The following RAI14 variants were observed in gnomAD, a reference collection of about 807,000 sequenced individuals.
RAI14 encodes ankycorbin.
In RAI14, 45 loss-of-function variants were observed where a neutral mutation model predicts 115.4. The ratio of observed to expected loss-of-function variants is 0.39; its 90% CI spans 0.31 to 0.50. RAI14 has a LOEUF of 0.50. Among genes scored for constraint, RAI14 ranks in the 20% least tolerant of loss-of-function variants. The probability of loss-of-function intolerance (pLI) is 0.85; values close to 1 mark genes in which losing one functional copy is unlikely to be tolerated. For synonymous variants in RAI14, 371 were observed against 415.4 expected (o/e 0.89, Z 1.30); for missense variants, 939 against 1,131.2 (o/e 0.83, Z 2.44).
chr5:34,823,966 A>G lies in RAI14; in HGVS notation c.2124A>G (p.Lys708=). 1 of 1,614,176 alleles carries G rather than the reference A, an allele frequency of 6.2e-7. No homozygotes were observed. The highest frequency in any genetic ancestry group is 8.5e-7 in the Non-Finnish European group (1 of 1,179,988). The part of the protein sequence containing the change: ...ALSEMKSQYS[K]VLNELTQLKQ... ...CTGAAATGAAGTCTCAGTATTCAAAAGTGTTGAATGAGTTGACCCAGCTCA... is the reference window on the plus strand; with the variant it reads ...CTGAAATGAAGTCTCAGTATTCAAAGGTGTTGAATGAGTTGACCCAGCTCA... Residue 708 remains lysine (K), a synonymous_variant, in exon 15 of 18, where the codon AAA becomes AAG. Coordinates refer to ENST00000265109, the MANE Select transcript of RAI14 (RefSeq NM_015577.3). The surrounding 1 kb of genome is among the most constrained non-coding windows in gnomAD (Gnocchi z 4.5).
chr5:34,693,322 A>G (rs569744566), intron 2 of RAI14, among the ~76,000 whole-genome samples: 1 of 152,338 alleles, frequency 6.6e-6, no homozygotes, highest in African/African-American at 2.4e-5. Flanking sequence ...TGGCACTGTC[A>G]TAGACCTTAG....
chr5:34,714,895 T>A (rs1385232368), intron 2 of RAI14, among the ~76,000 whole-genome samples: 6 of 152,104 alleles, frequency 3.9e-5, no homozygotes, highest in Non-Finnish European at 8.8e-5. Flanking sequence ...GAAGGGAACC[T>A]CACTTGCAGT....
intron 1 of RAI14, among the ~76,000 whole-genome samples, chr5:34,675,282 T>C (rs1360051835): frequency 6.6e-6 from 1 of 152,238 alleles, no homozygotes; most frequent in African/African-American, 2.4e-5. Context: ...TCAACAACTT[T>C]TAGTAAATTA....
intron 12 of RAI14, among the ~76,000 whole-genome samples, chr5:34,816,664 G>T (rs6451172): frequency 0.1 from 15,458 of 150,798 alleles, 1,346 homozygotes; most frequent in African/African-American, 0.24. Context: ...TATTAAAGAT[G>T]TTTTTTTTTA....
intron 2 of RAI14, among the ~76,000 whole-genome samples, chr5:34,739,104 T>C (rs1745191564): frequency 6.6e-6 from 1 of 152,204 alleles, no homozygotes; most frequent in Admixed American, 6.5e-5. Flanking sequence ...CTATTCAAAA[T>C]AACGGAGTGG....
intron 1 of RAI14, chr5:34,686,320 C>T (rs1744863679): frequency 6.8e-6 from 1 of 147,666 alleles, no homozygotes; most frequent in Admixed American, 6.9e-5. Context: ...ATGGAAGTTA[C>T]CAGGAGCAGG....
chr5:34,732,522 T>C lies in RAI14; in HGVS notation c.37-24946T>C, dbSNP rs140480611. Among the ~76,000 whole-genome samples the C allele has an allele frequency of 7.4e-5, 11 of 149,506 alleles. No homozygotes were observed. The East Asian group carries it at 2.2e-3, about 30-fold the overall frequency. On this transcript the variant is annotated intron_variant, in intron 2 of 17. Coordinates refer to ENST00000265109, the MANE Select transcript of RAI14 (RefSeq NM_015577.3). ...GGCGTGATCTTGGCTCACTGCACCC[T>C]CTGCCTCCCGGGTTCAAGCAATCCT... is the stretch of plus-strand genomic sequence containing the variant.
chr5:34,672,222 C>A (rs1016243674), intron 1 of RAI14, among the ~76,000 whole-genome samples: 6 of 152,096 alleles, frequency 3.9e-5, no homozygotes, highest in Non-Finnish European at 7.3e-5. Context: ...TTCTGTATCA[C>A]CTGTATACTT....
intron 4 of RAI14, among the ~76,000 whole-genome samples, chr5:34,799,781 G>A (rs917385910): frequency 3.4e-5 from 5 of 145,698 alleles, no homozygotes; most frequent in Non-Finnish European, 3.0e-5. Context: ...TCCGCCTCCC[G>A]GGTTCACGCC....
In RAI14 at chr5:34,807,673, A is replaced by C. The variant is rs563701059; in HGVS notation, c.322-127A>C. 8.0e-6 allele frequency: 6 copies of C among 748,170 alleles called. No homozygotes were observed. The African/African-American group carries it at 1.0e-4, about 13-fold the overall frequency. 46.3% of individuals were successfully genotyped at this position (748,170 alleles called of 1,614,324 possible). On this transcript the variant is annotated intron_variant, in intron 5 of 17. Transcript: ENST00000265109. Reference sequence around the variant, plus strand: ...AGACTGTAGGCCCCTGGAACACAGCAGCTGGGGCTTATTTATGTTAATAGT... The same window carrying C: ...AGACTGTAGGCCCCTGGAACACAGCCGCTGGGGCTTATTTATGTTAATAGT...
At chr5:34,740,426 A>G (rs985550554) in intron 2 of RAI14, among the ~76,000 whole-genome samples, 1 of 152,172 alleles carries the variant, frequency 6.6e-6, no homozygotes. Context: ...TAAATCACAA[A>G]ACTCTAAGCC....
Position 34,823,168 on chromosome 5 carries a change from G to A in RAI14, c.1326G>A (p.Gln442=), listed in dbSNP as rs1757091050. The A allele has an allele frequency of 1.2e-6, 2 of 1,613,488 alleles. No individual in the cohort carries two copies. Among genetic ancestry groups the A allele is most frequent in the Non-Finnish European group, 8.5e-7 (1 of 1,179,454 alleles). The change falls in exon 15 of 18, where the codon CAG becomes CAA. Residue 442 remains glutamine, a synonymous_variant. Coordinates refer to ENST00000265109, the MANE Select transcript of RAI14 (RefSeq NM_015577.3). This position sits in a 1 kb window ranked among gnomAD's most constrained non-coding sequence, Gnocchi z 4.5. ...TGCAAGAGATTTTGCAAGATCTACA[G>A]AAGAGATTAGAGAGCTCTGAAGCAG... ...QQLQEILQDL[Q]KRLESSEAER...
Position 34,813,659 on chromosome 5 carries a change from A to G in RAI14, c.851A>G (p.Gln284Arg). Residue 284 changes from glutamine to arginine, a missense_variant and splice_region_variant, in exon 11 of 18, where the codon CAG (glutamine) becomes CGG (arginine). Transcript: ENST00000265109. Reference sequence around the variant, plus strand: ...CCACCACCTCCTATCAGTCCTACCCAGGTAAAAACAAAAGCAAACCAACAA... The same window carrying G: ...CCACCACCTCCTATCAGTCCTACCCGGGTAAAAACAAAAGCAAACCAACAA... ...KAPPPPISPT[Q>R]LSDVSSPRSI... 4 of 1,597,156 alleles carry G rather than the reference A, an allele frequency of 2.5e-6. No homozygotes were observed. Among genetic ancestry groups the G allele is most frequent in the Non-Finnish European group, 1.7e-6 (2 of 1,170,572 alleles).
intron 1 of RAI14, among the ~76,000 whole-genome samples, chr5:34,670,580 A>G (rs1438515336): frequency 6.6e-6 from 1 of 152,212 alleles, no homozygotes; most frequent in Non-Finnish European, 1.5e-5. Flanking sequence ...AACTGCTGAT[A>G]TATTGGCCAA....
chr5:34,691,702 T>G (rs1463123766), intron 2 of RAI14, among the ~76,000 whole-genome samples: 1 of 152,232 alleles, frequency 6.6e-6, no homozygotes, highest in East Asian at 1.9e-4. Context: ...CACGGTTTAC[T>G]TTGAGGGTGT....
chr5:34,810,920 C>G, intron 7 of RAI14, 92 bp from the exon 8 acceptor site: 3 of 1,582,816 alleles, frequency 1.9e-6, no homozygotes, highest in Non-Finnish European at 1.7e-6. Context: ...CAGTCCAAGT[C>G]AGGAGAAAAA....
chr5:34,713,417 C>G (rs947110587), intron 2 of RAI14, among the ~76,000 whole-genome samples: 5 of 152,066 alleles, frequency 3.3e-5, no homozygotes, highest in Non-Finnish European at 7.4e-5. Flanking sequence ...AGCTATCCTC[C>G]TACTTCAGCC....
chr5:34,741,337 G>A (rs1013895549), intron 2 of RAI14, among the ~76,000 whole-genome samples: 22 of 152,326 alleles, frequency 1.4e-4, no homozygotes, highest in African/African-American at 5.3e-4. Flanking sequence ...CACACACATG[G>A]TAGAGCCAAG....
chr5:34,801,212 G>A (rs543200835), intron 4 of RAI14, among the ~76,000 whole-genome samples: 7 of 152,166 alleles, frequency 4.6e-5, no homozygotes, highest in Admixed American at 3.9e-4. Context: ...GGGACAGAGG[G>A]ATTCCTGTCT....
Sources: allele counts gnomAD v4.1 joint callset (sites outside exome capture counted in the v4.1 genomes callset), GRCh38; gene constraint gnomAD v4.1.1; non-coding constraint Gnocchi (gnomAD v3.1); transcripts MANE v1.5; gene names NCBI Gene and HGNC (gene_info 2026-07-23, HGNC 2026-07-21).